Variants in NF1 observed in about 807,000 individuals in gnomAD.
NF1 encodes the protein neurofibromin.
Under a neutral mutation model 325.7 loss-of-function variants are expected in NF1, and 122 were observed. The ratio of observed to expected loss-of-function variants is 0.37; its 90% CI spans 0.32 to 0.44. The LOEUF is 0.44. Ranked by LOEUF, NF1 falls within the 20% of genes least tolerant of loss-of-function variation. The pLI, the probability that NF1 is intolerant of heterozygous loss-of-function variation, is 1.00. For synonymous variants in NF1, 1,091 were observed against 1,186.0 expected, an observed-to-expected ratio of 0.92 and a Z score of 1.65; for missense variants, 2,140 against 3,415.4, an observed-to-expected ratio of 0.63 and a Z score of 9.31.
chr17:31,114,657 C>T (rs1162877843), intron 1 of NF1, among the ~76,000 whole-genome samples: 1 of 151,692 alleles, frequency 6.6e-6, no homozygotes, highest in Non-Finnish European at 1.5e-5. Flanking sequence ...AGTTTGAGAC[C>T]AGCCTGGCCA....
rs1026755716 is a variant in NF1, at chr17:31,322,098, C to T, written c.4836-3722C>T. On this transcript the variant is annotated intron_variant, in intron 36 of 57. Transcript: ENST00000358273. ...TCGTGTGGTGTAGTGTGTGTATACA[C>T]ACACACACACACACACACACACACA... 4.7e-3 allele frequency among the ~76,000 whole-genome samples: 229 copies of T among 48,334 alleles called. 1 individual carries two copies. The highest frequency in any genetic ancestry group is 7.7e-3 in the African/African-American group (215 of 28,004). The allele number at this position is 48,334 out of a possible 152,430, so 31.7% of individuals were successfully genotyped here. A position where few individuals can be genotyped will look rare whatever the true frequency, so the allele number is the denominator to read the frequency against.
intron 36 of NF1, chr17:31,318,460 G>C: frequency 6.2e-7 from 1 of 1,613,984 alleles, no homozygotes; most frequent in African/African-American, 1.3e-5. Context: ...TAGACCGCTT[G>C]CCAGAAAATC....
intron 36 of NF1, among the ~76,000 whole-genome samples, chr17:31,315,784 C>T (rs1009953700): frequency 1.3e-5 from 2 of 152,072 alleles, no homozygotes; most frequent in East Asian, 1.9e-4. Flanking sequence ...CTGGTCACTG[C>T]GGGAAACACA....
chr17:31,300,770 T>A (rs890499874), intron 36 of NF1, among the ~76,000 whole-genome samples: 1 of 152,090 alleles, frequency 6.6e-6, no homozygotes, highest in African/African-American at 2.4e-5. Flanking sequence ...CCACCAACAG[T>A]GTATCATGGT....
chr17:31,279,432 AT>A (rs1025118374), intron 36 of NF1, among the ~76,000 whole-genome samples: 5 of 152,308 alleles, frequency 3.3e-5, no homozygotes, highest in African/African-American at 1.2e-4. Flanking sequence ...CATTTAAAAC[AT>A]TTTAGTAGTA....
intron 36 of NF1, chr17:31,320,843 C>G (rs1252107074): frequency 5.8e-6 from 1 of 171,748 alleles, no homozygotes; most frequent in Non-Finnish European, 1.3e-5. Flanking sequence ...TTATACTAGA[C>G]TGGACTTCTG....
At chr17:31,300,618 A>G (rs946870196) in intron 36 of NF1, among the ~76,000 whole-genome samples, 10 of 152,048 alleles carry the variant, frequency 6.6e-5, no homozygotes, top group African/African-American at 2.4e-4. Flanking sequence ...ATACCCTTGT[A>G]CCTAAATAAT....
At chr17:31,241,931 G>A (rs2067302866) in intron 29 of NF1, among the ~76,000 whole-genome samples, 3 of 152,078 alleles carry the variant, frequency 2.0e-5, no homozygotes, top group Non-Finnish European at 1.5e-5. Context: ...GTCTGGCATT[G>A]ATAAAATCCC....
At chr17:31,152,225 A>T (rs1916995787) in intron 1 of NF1, among the ~76,000 whole-genome samples, 4 of 148,012 alleles carry the variant, frequency 2.7e-5, no homozygotes, top group Non-Finnish European at 4.5e-5. Flanking sequence ...AGTTCAAAAG[A>T]TTTTTTTTTT....
Position 31,169,969 on chromosome 17 carries a change from T to C in NF1, c.558T>C (p.Asp186=), listed in dbSNP as rs1193784379. ...DIELLQYINV[D]CAKLKRLLKE... ...AATTGTTACAGTATATCAATGTGGA[T>C]TGTGCAAAATTAAAACGACTCCTGA... Residue 186 remains aspartate, a synonymous_variant, in exon 5 of 58, where the codon GAT becomes GAC. Coordinates refer to ENST00000358273, the MANE Select transcript of NF1 (RefSeq NM_001042492.3). 1 of 1,610,842 alleles carries C rather than the reference T, an allele frequency of 6.2e-7. No homozygotes were observed. The highest frequency in any genetic ancestry group is 2.2e-5 in the East Asian group (1 of 44,746).
At chr17:31,216,654 C>G (rs1422136798) in intron 13 of NF1, among the ~76,000 whole-genome samples, 2 of 151,980 alleles carry the variant, frequency 1.3e-5, no homozygotes, top group Non-Finnish European at 2.9e-5. Context: ...TTATTATGCC[C>G]CCTCTCAGCT....
rs549414726 is a variant in NF1 at position 31,295,950 on chromosome 17, G to C, written c.4836-29870G>C. On this transcript the variant is annotated intron_variant, in intron 36 of 57. Transcript: ENST00000358273. Reference sequence around the variant, plus strand: ...TCCAGCATGTTCTTAGAAACATCCAGATATTTAAGATTCCACTGATAAGCA... The same window carrying C: ...TCCAGCATGTTCTTAGAAACATCCACATATTTAAGATTCCACTGATAAGCA... The C allele has an allele frequency of 5.0e-6, 8 of 1,614,082 alleles. No homozygotes were observed. The Admixed American group carries it at 1.3e-4, about 27-fold the overall frequency.
Position 31,229,007 on chromosome 17 carries a change from C to CA in NF1, c.2410-13dup. On this transcript the variant is annotated splice_polypyrimidine_tract_variant and intron_variant, in intron 20 of 57. Transcript: ENST00000358273. Reference sequence around the variant, plus strand: ...ATTAAGGTTTAATTCATGCTTTGCACAAAAATTTTGTGTTTAGGCTGCTGA... The same window carrying CA: ...ATTAAGGTTTAATTCATGCTTTGCACAAAAAATTTTGTGTTTAGGCTGCTGA... 1 of 1,586,134 alleles carries CA rather than the reference C, an allele frequency of 6.3e-7. No homozygotes were observed. Among genetic ancestry groups the CA allele is most frequent in the Non-Finnish European group, 8.6e-7 (1 of 1,162,190 alleles).
At chr17:31,339,245 A>T (rs2069759792) in intron 46 of NF1, among the ~76,000 whole-genome samples, 1 of 152,152 alleles carries the variant, frequency 6.6e-6, no homozygotes, top group Admixed American at 6.5e-5. Context: ...TATGTTAGTG[A>T]TTATTACTAT....
At chr17:31,206,979 A>G (rs1005454404) in intron 12 of NF1, among the ~76,000 whole-genome samples, 4 of 152,220 alleles carry the variant, frequency 2.6e-5, no homozygotes, top group African/African-American at 7.2e-5. Context: ...TGGAATTTTA[A>G]AACTCCTATG....
At chr17:31,168,116 T>A (rs1301941155) in intron 4 of NF1, among the ~76,000 whole-genome samples, 1 of 152,182 alleles carries the variant, frequency 6.6e-6, no homozygotes, top group Non-Finnish European at 1.5e-5. Flanking sequence ...TACTTTTACT[T>A]GTAATTGGAA....
chr17:31,328,276 A>C (rs962077636), intron 38 of NF1, among the ~76,000 whole-genome samples: 1 of 152,198 alleles, frequency 6.6e-6, no homozygotes, highest in Non-Finnish European at 1.5e-5. Context: ...CTCTTAACAA[A>C]ATTCTCAAAA....
intron 36 of NF1, chr17:31,304,210 G>A (rs1283970356): frequency 1.3e-5 from 20 of 1,497,732 alleles, no homozygotes; most frequent in Non-Finnish European, 2.7e-6. Context: ...AACATATAAA[G>A]AAAAAAGAGT....
intron 1 of NF1, among the ~76,000 whole-genome samples, chr17:31,101,244 C>T (rs1912305164): frequency 6.6e-6 from 1 of 152,068 alleles, no homozygotes; most frequent in African/African-American, 2.4e-5. Flanking sequence ...ATGTTCCACT[C>T]CCCCCGGAAA....
Sources: gnomAD v4.1 joint callset for allele counts (sites outside exome capture counted in the v4.1 genomes callset) on GRCh38, gnomAD v4.1.1 for gene constraint, MANE v1.5 for transcripts, NCBI Gene and HGNC (gene_info 2026-07-23, HGNC 2026-07-21) for gene names.